NDUFV3: variants seen among roughly 807,000 people sequenced by gnomAD.
NDUFV3 encodes the protein NADH dehydrogenase [ubiquinone] flavoprotein 3, mitochondrial.
NDUFV3 carries 44 observed loss-of-function variants against 37.5 expected under a neutral mutation model. The ratio of observed to expected loss-of-function variants is 1.17; its 90% CI spans 0.92 to 1.51. NDUFV3 has a LOEUF of 1.51. Among genes scored for constraint, NDUFV3 ranks in the 40% most tolerant of loss-of-function variants. The pLI, the probability that NDUFV3 is intolerant of heterozygous loss-of-function variation, is 0.00. For missense variants in NDUFV3, 580 were observed against 580.4 expected (o/e 1.00, Z 0.01); for synonymous variants, 235 against 239.3 (o/e 0.98, Z 0.17).
Position 42,909,269 on chromosome 21 carries a change from G to A in NDUFV3, c.*248G>A, listed in dbSNP as rs534177844. 4 of 418,520 alleles carry A rather than the reference G, an allele frequency of 9.6e-6. No homozygotes were observed. The highest frequency in any genetic ancestry group is 1.1e-4 in the East Asian group (2 of 18,350). The allele number at this position is 418,520 out of a possible 1,614,324, so 25.9% of individuals were successfully genotyped here. The stretch of plus-strand genomic sequence containing the variant: ...TGATTCTCCCACCTCAGCCTCCCAA[G>A]TAGGTGGGATTACAGGTACTCACCA... On this transcript the variant is annotated 3_prime_UTR_variant, in exon 4 of 4. Transcript: ENST00000354250.
At position 42,908,804 on chromosome 21, in the gene NDUFV3, G is replaced by A. The variant is rs112836071; in HGVS notation, c.1265-60G>A. On this transcript the variant is annotated intron_variant, in intron 3 of 3. Transcript: ENST00000354250. ...GTAGGTAAGCGCCTGTGTGTGAGCCGAGTCATTCATAAAGAGCTGTCCTTG... is the reference window on the plus strand; with the variant it reads ...GTAGGTAAGCGCCTGTGTGTGAGCCAAGTCATTCATAAAGAGCTGTCCTTG... 4.4e-5 allele frequency: 70 copies of A among 1,598,040 alleles called. 3 individuals are homozygous for A. Among genetic ancestry groups the A allele is most frequent in the Middle Eastern group, 1.7e-4 (1 of 6,032 alleles).
At chr21:42,893,731 C>A (rs1374790439) in intron 1 of NDUFV3, among the ~76,000 whole-genome samples, 2 of 152,230 alleles carry the variant, frequency 1.3e-5, no homozygotes, top group East Asian at 3.9e-4. Flanking sequence ...TGGGGTCAGC[C>A]GCTGTGCGGC....
At chr21:42,897,883 A>G (rs750097326) in intron 2 of NDUFV3, among the ~76,000 whole-genome samples, 12 of 151,526 alleles carry the variant, frequency 7.9e-5, no homozygotes, top group African/African-American at 1.2e-4. Flanking sequence ...TCACCATGTT[A>G]GCCGGGATGG....
chr21:42,903,129 CT>C, intron 2 of NDUFV3, 52 bp from the exon 3 acceptor site: 1 of 1,608,078 alleles, frequency 6.2e-7, no homozygotes, highest in East Asian at 2.2e-5. Context: ...GTAATTTTGA[CT>C]GAGTTTTAAG....
At position 42,909,122 on chromosome 21, in the gene NDUFV3, G is replaced by A. The variant is rs1329925606; in HGVS notation, c.*101G>A. ...GTCACAAGGCCCGCTGTGCATAATC[G>A]GTTTCACTTTTACCTTTTTTTTTTT... On this transcript the variant is annotated 3_prime_UTR_variant, in exon 4 of 4. Coordinates refer to ENST00000354250, the MANE Select transcript of NDUFV3 (RefSeq NM_021075.4). The A allele has an allele frequency of 3.3e-6, 4 of 1,212,938 alleles. No individual in the cohort carries two copies. The highest frequency in any genetic ancestry group is 1.3e-5 in the South Asian group (1 of 78,654). The allele number at this position is 1,212,938 out of a possible 1,614,324, so 75.1% of individuals were successfully genotyped here.
At chr21:42,900,076 G>A (rs1340593391) in intron 2 of NDUFV3, among the ~76,000 whole-genome samples, 1 of 152,146 alleles carries the variant, frequency 6.6e-6, no homozygotes, top group African/African-American at 2.4e-5. Flanking sequence ...GCGTGCACCT[G>A]TGGTCCTAGT....
chr21:42,902,938 G>A (rs1385185435), intron 2 of NDUFV3, among the ~76,000 whole-genome samples: 1 of 151,982 alleles, frequency 6.6e-6, no homozygotes, highest in East Asian at 1.9e-4. Flanking sequence ...GTAAATAGTT[G>A]TTGTATTGTT....
At chr21:42,894,559 ATATTT>A in intron 1 of NDUFV3, among the ~76,000 whole-genome samples, 1 of 63,732 alleles carries the variant, frequency 1.6e-5, no homozygotes, top group Non-Finnish European at 2.9e-5. Flanking sequence ...TAATATATAT[ATATTT>A]TTTTTTGAGA....
intron 1 of NDUFV3, among the ~76,000 whole-genome samples, chr21:42,893,688 G>T (rs981309371): frequency 6.6e-6 from 1 of 152,332 alleles, no homozygotes; most frequent in East Asian, 1.9e-4. Context: ...GGCAGACTCG[G>T]GTGGACGTTC....
intron 1 of NDUFV3, among the ~76,000 whole-genome samples, chr21:42,894,473 T>TATATATTTATATAAATATATAA (rs1555848205): frequency 1.8e-5 from 1 of 56,866 alleles, no homozygotes; most frequent in East Asian, 3.0e-4. Flanking sequence ...TAAATATATA[T>TATATATTTATATAAATATATAA]TATATATTTA....
chr21:42,908,314 A>C (rs971543262), intron 3 of NDUFV3, among the ~76,000 whole-genome samples: 3 of 152,206 alleles, frequency 2.0e-5, no homozygotes, highest in Non-Finnish European at 4.4e-5. Flanking sequence ...TCTCAAAAAA[A>C]AAAACGCATT....
intron 1 of NDUFV3, among the ~76,000 whole-genome samples, 183 bp downstream of exon 1, chr21:42,893,564 A>C (rs997706826): frequency 6.6e-6 from 1 of 152,166 alleles, no homozygotes; most frequent in Admixed American, 6.5e-5. Flanking sequence ...GGATGTGGCC[A>C]GCGAGCGTCC....
chr21:42,902,312 GTAACTTTATTCTCTAATGTAATGTT>G (rs1202977759), intron 2 of NDUFV3, among the ~76,000 whole-genome samples: 3 of 152,140 alleles, frequency 2.0e-5, no homozygotes, highest in Non-Finnish European at 4.4e-5. Flanking sequence ...TAAAATTTGA[GTAACTTTATTCTCTAATGTAATGTT>G]TAAATGCACC....
intron 1 of NDUFV3, among the ~76,000 whole-genome samples, chr21:42,896,640 C>T (rs2058692748): frequency 6.6e-6 from 1 of 151,938 alleles, no homozygotes; most frequent in African/African-American, 2.4e-5. Flanking sequence ...TTGAGGAAGC[C>T]AGGAGTTTGA....
In NDUFV3 at chr21:42,910,530, T is replaced by C. The variant is rs1280044999; in HGVS notation, c.*1509T>C. 3 of 142,680 alleles carry C rather than the reference T, an allele frequency of 2.1e-5. No individual in the cohort carries two copies. Among genetic ancestry groups the C allele is most frequent in the African/African-American group, 7.4e-5 (3 of 40,740 alleles). 8.8% of individuals were successfully genotyped at this position (142,680 alleles called of 1,614,324 possible). On this transcript the variant is annotated 3_prime_UTR_variant, in exon 4 of 4. Coordinates refer to ENST00000354250, the MANE Select transcript of NDUFV3 (RefSeq NM_021075.4). ...GGACGAAGTAGGAAGAGGTGAAGTTTCGTGCAGTACAGGGACGGAGTAGGA... is the reference window on the plus strand; with the variant it reads ...GGACGAAGTAGGAAGAGGTGAAGTTCCGTGCAGTACAGGGACGGAGTAGGA...
At position 42,897,113 on chromosome 21, in the gene NDUFV3, G is replaced by A. The variant is rs80164852; in HGVS notation, c.169+66G>A. On this transcript the variant is annotated intron_variant, in intron 2 of 3. Transcript: ENST00000354250. ...AAAGAAAATAGATTAGTCAGCCTTCGAAGCACGACAGTGAGTTTTACTAGC... is the reference window on the plus strand; with the variant it reads ...AAAGAAAATAGATTAGTCAGCCTTCAAAGCACGACAGTGAGTTTTACTAGC... 6,776 of 1,576,922 alleles carry A rather than the reference G, an allele frequency of 4.3e-3. 197 individuals carry two copies. In the African/African-American group the frequency reaches 0.071, roughly 17 times the overall value.
chr21:42,908,100 A>T (rs571564475), intron 3 of NDUFV3, among the ~76,000 whole-genome samples: 2 of 152,052 alleles, frequency 1.3e-5, no homozygotes, highest in South Asian at 4.2e-4. Flanking sequence ...TGAGCTCAGG[A>T]AATCGAAACC....
intron 2 of NDUFV3, among the ~76,000 whole-genome samples, chr21:42,898,515 G>A (rs990066326): frequency 2.6e-5 from 4 of 152,084 alleles, no homozygotes; most frequent in African/African-American, 9.7e-5. Context: ...TGTCACCCAG[G>A]CTGTAGTACA....
At position 42,897,120 on chromosome 21, in the gene NDUFV3, G is replaced by A. The variant is rs569816849; in HGVS notation, c.169+73G>A. ...ATAGATTAGTCAGCCTTCGAAGCAC[G>A]ACAGTGAGTTTTACTAGCTACGTAA... is the stretch of plus-strand genomic sequence containing the variant. On this transcript the variant is annotated intron_variant, in intron 2 of 3. Transcript: ENST00000354250. 173 of 1,551,922 alleles carry A rather than the reference G, an allele frequency of 1.1e-4. No homozygotes were observed. In the African/African-American group the frequency reaches 1.5e-3, roughly 14 times the overall value.
Sources: gnomAD v4.1 joint callset for allele counts (sites outside exome capture counted in the v4.1 genomes callset) on GRCh38, gnomAD v4.1.1 for gene constraint, MANE v1.5 for transcripts, NCBI Gene and HGNC (gene_info 2026-07-23, HGNC 2026-07-21) for gene names.